NEAT1: variants seen among roughly 807,000 people sequenced by gnomAD.
NEAT1 encodes MENepsilon/beta.
exon 1 of NEAT1, chr11:65,432,531 A>G (rs1343008884): frequency 1.3e-5 from 2 of 152,182 alleles, no homozygotes; most frequent in Admixed American, 6.5e-5. Context: ...TCCTATGATT[A>G]CAATGAACAC....
At chr11:65,430,794 C>T (rs1856607981) in exon 1 of NEAT1, 1 of 152,186 alleles carries the variant, frequency 6.6e-6, no homozygotes, top group South Asian at 2.1e-4. Context: ...GAAAGCTACA[C>T]TTCCTGTTGT....
chr11:65,436,967 A>G (rs1313774181), exon 1 of NEAT1: 1 of 151,856 alleles, frequency 6.6e-6, no homozygotes, highest in Non-Finnish European at 1.5e-5. Flanking sequence ...ATTTCCCCAC[A>G]CCTTCACCCA....
At chr11:65,444,626 A>G in exon 1 of NEAT1, 1 of 431,614 alleles carries the variant, frequency 2.3e-6, no homozygotes, top group Non-Finnish European at 4.8e-6. Context: ...GCAGAGCCTG[A>G]GCCAACAGCA....
chr11:65,430,032 TTTGGAC>T (rs1394810966), exon 1 of NEAT1: 1 of 152,274 alleles, frequency 6.6e-6, no homozygotes, highest in African/African-American at 2.4e-5. Context: ...TCTGAGTGGA[TTTGGAC>T]CTAATAGGGC....
At chr11:65,430,131 T>G (rs1856601503) in exon 1 of NEAT1, 1 of 152,336 alleles carries the variant, frequency 6.6e-6, no homozygotes, top group African/African-American at 2.4e-5. Flanking sequence ...CAAGCCTGTG[T>G]CTGTGAAATG....
exon 1 of NEAT1, chr11:65,428,020 C>T (rs1005418477): frequency 6.6e-6 from 1 of 152,220 alleles, no homozygotes; most frequent in Non-Finnish European, 1.5e-5. Context: ...CCACTCCAAT[C>T]CAGGGGCTGG....
rs1286070443 is a variant in NEAT1 at position 65,437,211 on chromosome 11, G to GTATA, written n.14427_14430dup. ...TATATATATGTATATATATATATAT[G>GTATA]TATATATATATATATACATATATAT... On this transcript the variant is annotated non_coding_transcript_exon_variant, in exon 1 of 1. Coordinates refer to ENST00000501122, the Ensembl canonical transcript of NEAT1. The GTATA allele has an allele frequency of 5.6e-3, 671 of 120,334 alleles. 4 individuals carry two copies. Among genetic ancestry groups the GTATA allele is most frequent in the African/African-American group, 0.021 (617 of 29,944 alleles). The allele number at this position is 120,334 out of a possible 1,614,324, so 7.5% of individuals were successfully genotyped here.
exon 1 of NEAT1, chr11:65,423,481 T>G: frequency 6.6e-6 from 1 of 151,524 alleles, no homozygotes; most frequent in Admixed American, 6.6e-5. Context: ...TGGGCGGAGG[T>G]GAGGGGTGGT....
chr11:65,431,580 G>T (rs916518212), exon 1 of NEAT1: 6 of 152,098 alleles, frequency 3.9e-5, no homozygotes, highest in Non-Finnish European at 7.4e-5. Flanking sequence ...GTTATTTTCT[G>T]CTTTTTTTAG....
At chr11:65,438,330 C>T (rs2134904270) in exon 1 of NEAT1, 1 of 152,106 alleles carries the variant, frequency 6.6e-6, no homozygotes, top group Non-Finnish European at 1.5e-5. Flanking sequence ...TACCGGTTTT[C>T]CATTTATGAT....
At chr11:65,427,081 A>G (rs889305615) in exon 1 of NEAT1, 3 of 152,162 alleles carry the variant, frequency 2.0e-5, no homozygotes, top group African/African-American at 4.8e-5. Context: ...ACAGTAAGCA[A>G]GCAGAGGCTG....
chr11:65,423,622 T>C (rs2134884320), exon 1 of NEAT1: 1 of 152,446 alleles, frequency 6.6e-6, no homozygotes, highest in Middle Eastern at 3.4e-3. Context: ...CGCTTTATTT[T>C]CCAGGTGGCA....
chr11:65,436,046 G>T (rs1474984388), exon 1 of NEAT1: 2 of 152,208 alleles, frequency 1.3e-5, no homozygotes, highest in African/African-American at 2.4e-5. Flanking sequence ...GCACAGCGTG[G>T]CTGCTTCAGG....
exon 1 of NEAT1, chr11:65,424,657 G>GA (rs1251659602): frequency 6.6e-6 from 1 of 152,252 alleles, no homozygotes; most frequent in Non-Finnish European, 1.5e-5. Flanking sequence ...TAAACGCTGG[G>GA]AGGGTACAAG....
exon 1 of NEAT1, chr11:65,427,650 T>C (rs983440202): frequency 3.3e-5 from 5 of 152,232 alleles, no homozygotes; most frequent in Admixed American, 2.6e-4. Flanking sequence ...GGGTCCTCTT[T>C]CTGCTTGCAA....
chr11:65,434,868 G>GCAGT (rs992945230), exon 1 of NEAT1: 2 of 152,196 alleles, frequency 1.3e-5, no homozygotes, highest in Admixed American at 6.5e-5. Flanking sequence ...TATCATGTAT[G>GCAGT]CAGTGACCTA....
At chr11:65,437,212 TATATATATATATATAC>T (rs1411786168) in exon 1 of NEAT1, 3 of 131,200 alleles carry the variant, frequency 2.3e-5, no homozygotes, top group Admixed American at 7.3e-5. Context: ...TATATATATG[TATATATATATATATAC>T]ATATATATAT....
At chr11:65,427,838 A>G (rs546300891) in exon 1 of NEAT1, 2 of 152,330 alleles carry the variant, frequency 1.3e-5, no homozygotes, top group Admixed American at 1.3e-4. Flanking sequence ...GATAACTGCT[A>G]TAGATGCCTG....
At chr11:65,438,723 C>T (rs1365300187) in exon 1 of NEAT1, 1 of 152,186 alleles carries the variant, frequency 6.6e-6, no homozygotes, top group African/African-American at 2.4e-5. Context: ...TATAACAGTA[C>T]TGCGTTCCTT....
Sources: gnomAD v4.1 joint callset for allele counts on GRCh38, gnomAD v4.1.1 for gene constraint, MANE v1.5 for transcripts, NCBI Gene and HGNC (gene_info 2026-07-23, HGNC 2026-07-21) for gene names.